Variants in RGS7 observed in about 807,000 individuals in gnomAD.
RGS7 encodes regulator of G protein signaling 7.
In RGS7, 27 loss-of-function variants were observed where a neutral mutation model predicts 81.1. The observed-to-expected ratio is 0.33, with a 90% CI of 0.25 to 0.46. RGS7 has a LOEUF of 0.46. Ranked by LOEUF, RGS7 falls within the 20% of genes least tolerant of loss-of-function variation. The probability of loss-of-function intolerance (pLI) is 1.00; values close to 1 mark genes in which losing one functional copy is unlikely to be tolerated. For missense variants in RGS7, 396 were observed against 607.4 expected (o/e 0.65, Z 3.66); for synonymous variants, 208 against 207.7 (o/e 1.00, Z -0.01).
At position 240,893,105 on chromosome 1, in the gene RGS7, T is replaced by A. The variant is rs75510917; in HGVS notation, c.386-22986A>T. On this transcript the variant is annotated intron_variant, in intron 6 of 18. Transcript: ENST00000440928. ...TGTAGTTCTTGAACTCCCAAGAGGA[T>A]CAATCCAGTGAAATAGACAGCTGAC... Among the ~76,000 whole-genome samples the A allele has an allele frequency of 4.8e-3, 728 of 152,222 alleles. 6 individuals carry two copies. Among genetic ancestry groups the A allele is most frequent in the African/African-American group, 0.017 (712 of 41,540 alleles).
intron 3 of RGS7, among the ~76,000 whole-genome samples, chr1:240,995,758 A>G (rs1167197992): frequency 7.3e-6 from 1 of 136,174 alleles, no homozygotes; most frequent in East Asian, 2.1e-4. Flanking sequence ...CAATTTTTAT[A>G]AAGAACCAGC....
At position 241,259,667 on chromosome 1, in the gene RGS7, A is replaced by AAAAAAAAAAAT; in HGVS notation, c.78+96031_78+96032insATTTTTTTTTT. Among the ~76,000 whole-genome samples, 171 of 49,124 alleles carry AAAAAAAAAAAT rather than the reference A, an allele frequency of 3.5e-3. 6 individuals carry two copies. Among genetic ancestry groups the AAAAAAAAAAAT allele is most frequent in the East Asian group, 0.011 (18 of 1,644 alleles). The allele number at this position is 49,124 out of a possible 152,430, so 32.2% of individuals were successfully genotyped here. A position where few individuals can be genotyped will look rare whatever the true frequency, so the allele number is the denominator to read the frequency against. On this transcript the variant is annotated intron_variant, in intron 2 of 18. Coordinates refer to ENST00000440928, the MANE Select transcript of RGS7 (RefSeq NM_001364886.1). ...CTCCGTCTCAAAAAAAAAAAAAAAA[A>AAAAAAAAAAAT]ATATATATATATATATATAATTAAA...
At chr1:241,160,325 C>T (rs996914107) in intron 2 of RGS7, among the ~76,000 whole-genome samples, 1 of 152,158 alleles carries the variant, frequency 6.6e-6, no homozygotes, top group Non-Finnish European at 1.5e-5. Flanking sequence ...ATCTCACCTT[C>T]CTTACAAAAT....
chr1:240,956,012 C>G (rs1571978764), intron 4 of RGS7, among the ~76,000 whole-genome samples: 1 of 152,180 alleles, frequency 6.6e-6, no homozygotes, highest in East Asian at 1.9e-4. Context: ...TGCAACATGA[C>G]CTTACATACC....
intron 4 of RGS7, among the ~76,000 whole-genome samples, chr1:240,974,185 G>C (rs1291536468): frequency 6.6e-6 from 1 of 152,132 alleles, no homozygotes. Flanking sequence ...CCTGAATCTT[G>C]ATTTTCACTG....
intron 4 of RGS7, among the ~76,000 whole-genome samples, chr1:240,954,497 C>T (rs183970336): frequency 2.9e-4 from 44 of 151,944 alleles, no homozygotes; most frequent in South Asian, 1.9e-3. Context: ...AAAACTTATA[C>T]GATCATATCA....
chr1:241,049,334 T>C lies in RGS7; in HGVS notation c.175+49332A>G, dbSNP rs185201071. Among the ~76,000 whole-genome samples, 164 of 152,344 alleles carry C rather than the reference T, an allele frequency of 1.1e-3. 1 individual carries two copies. The highest frequency in any genetic ancestry group is 3.6e-3 in the African/African-American group (151 of 41,586). On this transcript the variant is annotated intron_variant, in intron 3 of 18. Transcript: ENST00000440928. Reference sequence around the variant, plus strand: ...ATACCCCTCTTTACAGAGTTCTGAGTTGTCTTCGTGAATTCTTATTTACAA... The same window carrying C: ...ATACCCCTCTTTACAGAGTTCTGAGCTGTCTTCGTGAATTCTTATTTACAA...
intron 3 of RGS7, among the ~76,000 whole-genome samples, chr1:241,064,724 T>TAA (rs558511863): frequency 6.8e-6 from 1 of 147,954 alleles, no homozygotes; most frequent in African/African-American, 2.5e-5. Context: ...AGACCTCATT[T>TAA]AAAAAAAAAA....
intron 2 of RGS7, among the ~76,000 whole-genome samples, chr1:241,248,627 A>C (rs1275282180): frequency 4.6e-5 from 7 of 151,714 alleles, no homozygotes; most frequent in Non-Finnish European, 7.4e-5. Context: ...AATTTCTTCT[A>C]TCTCCTCCAC....
chr1:240,989,162 G>A (rs191851700), intron 3 of RGS7, among the ~76,000 whole-genome samples: 3 of 151,994 alleles, frequency 2.0e-5, no homozygotes, highest in African/African-American at 4.8e-5. Flanking sequence ...CAATCAGGCC[G>A]GCCACGGTGG....
chr1:241,171,143 C>T (rs1205219154), intron 2 of RGS7, among the ~76,000 whole-genome samples: 1 of 152,142 alleles, frequency 6.6e-6, no homozygotes, highest in Non-Finnish European at 1.5e-5. Flanking sequence ...AAGAAACATA[C>T]CATATTTAGA....
chr1:240,782,256 A>G (rs1227083904), intron 18 of RGS7, among the ~76,000 whole-genome samples: 2 of 152,146 alleles, frequency 1.3e-5, no homozygotes, highest in Non-Finnish European at 2.9e-5. Flanking sequence ...GTTAAAAAGA[A>G]CACGATCACT....
chr1:240,990,525 T>C (rs1292599602), intron 3 of RGS7, among the ~76,000 whole-genome samples: 1 of 152,208 alleles, frequency 6.6e-6, no homozygotes, highest in Non-Finnish European at 1.5e-5. Flanking sequence ...TGTATATGAT[T>C]TTGTGTTTTT....
chr1:241,313,786 T>C (rs114459918), intron 2 of RGS7, among the ~76,000 whole-genome samples: 1 of 152,172 alleles, frequency 6.6e-6, no homozygotes, highest in African/African-American at 2.4e-5. Context: ...ATTAAGAACT[T>C]TCATAATTCA....
chr1:241,352,187 A>T (rs1356634611), intron 2 of RGS7, among the ~76,000 whole-genome samples: 1 of 152,202 alleles, frequency 6.6e-6, no homozygotes, highest in Non-Finnish European at 1.5e-5. Flanking sequence ...AACACCAAAT[A>T]ACACTGAGTT....
At chr1:241,080,740 T>C (rs921529802) in intron 3 of RGS7, among the ~76,000 whole-genome samples, 3 of 152,200 alleles carry the variant, frequency 2.0e-5, no homozygotes, top group African/African-American at 4.8e-5. Flanking sequence ...TAGAACCATA[T>C]ATATTTTTAA....
intron 6 of RGS7, among the ~76,000 whole-genome samples, chr1:240,881,145 A>G (rs149050060): frequency 1.6e-3 from 247 of 152,280 alleles, no homozygotes; most frequent in African/African-American, 5.6e-3. Context: ...TAAAAACAGC[A>G]TTTTCATGGA....
At chr1:240,932,549 C>T (rs1480628503) in intron 5 of RGS7, among the ~76,000 whole-genome samples, 4 of 139,202 alleles carry the variant, frequency 2.9e-5, no homozygotes, top group Admixed American at 7.7e-5. Flanking sequence ...CACTCTGTTG[C>T]CCAGGCTGGA....
At chr1:241,030,666 C>A (rs1343987648) in intron 3 of RGS7, among the ~76,000 whole-genome samples, 1 of 152,030 alleles carries the variant, frequency 6.6e-6, no homozygotes, top group Non-Finnish European at 1.5e-5. Context: ...CCATTCTAGT[C>A]TCAGCCACTA....
Sources: allele counts gnomAD v4.1 joint callset (sites outside exome capture counted in the v4.1 genomes callset), GRCh38; gene constraint gnomAD v4.1.1; transcripts MANE v1.5; gene names NCBI Gene and HGNC (gene_info 2026-07-23, HGNC 2026-07-21).